The following POU2F1 variants were observed in gnomAD, a reference collection of about 807,000 sequenced individuals.
POU2F1 encodes the protein POU domain, class 2, transcription factor 1.
Under a neutral mutation model 84.9 loss-of-function variants are expected in POU2F1, and 16 were observed. The observed-to-expected ratio is 0.19, with a 90% CI of 0.13 to 0.29. POU2F1 has a LOEUF of 0.29. POU2F1 is among the 10% of genes least tolerant of loss of function. The pLI is 1.00. For synonymous variants in POU2F1, 368 were observed against 368.3 expected (o/e 1.00, Z 0.01); for missense variants, 738 against 942.6 (o/e 0.78, Z 2.84).
rs1197587175 is a variant in POU2F1 at position 167,416,915 on chromosome 1, C to T, written c.*1105C>T. 6.6e-6 allele frequency: 1 copy of T among 152,186 alleles called. No individual in the cohort carries two copies. Among genetic ancestry groups the T allele is most frequent in the African/African-American group, 2.4e-5 (1 of 41,448 alleles). The allele number at this position is 152,186 out of a possible 1,614,324, so 9.4% of individuals were successfully genotyped here. ...GGTGGTTCTCCTGATTTCTTATCTCCTGAAAAATGCTCCTGCTGTTGGTGT... is the reference window on the plus strand; with the variant it reads ...GGTGGTTCTCCTGATTTCTTATCTCTTGAAAAATGCTCCTGCTGTTGGTGT... On this transcript the variant is annotated 3_prime_UTR_variant, in exon 16 of 16. Transcript: ENST00000367866.
At chr1:167,343,686 T>TGAA (rs138795810) in intron 2 of POU2F1, among the ~76,000 whole-genome samples, 59,227 of 80,434 alleles carry the variant, frequency 0.74, 23,352 homozygotes, top group East Asian at 0.89. Context: ...TTTTTTTTTT[T>TGAA]GAAGGAAGGA....
intron 8 of POU2F1, among the ~76,000 whole-genome samples, chr1:167,389,219 G>C (rs7514782): frequency 0.088 from 13,345 of 152,200 alleles, 1,864 homozygotes; most frequent in African/African-American, 0.3. Flanking sequence ...GCTGTCTACT[G>C]TTTTGACAGT....
chr1:167,322,180 C>G (rs1656359187), intron 1 of POU2F1, among the ~76,000 whole-genome samples: 1 of 152,174 alleles, frequency 6.6e-6, no homozygotes, highest in African/African-American at 2.4e-5. Flanking sequence ...TAATTTGATT[C>G]ACCCAATAAG....
chr1:167,293,461 C>G (rs1055794003), intron 1 of POU2F1, among the ~76,000 whole-genome samples: 1 of 152,166 alleles, frequency 6.6e-6, no homozygotes, highest in African/African-American at 2.4e-5. Context: ...AAAAACACTG[C>G]TGAAAGAAGT....
chr1:167,415,931 A>T lies in POU2F1; in HGVS notation c.*121A>T. ...TCTCGCCGTGTTGTGAGGGCAAAGGAGAGAAGGGAGAAAAAAAAAAAAAAA... is the reference window on the plus strand; with the variant it reads ...TCTCGCCGTGTTGTGAGGGCAAAGGTGAGAAGGGAGAAAAAAAAAAAAAAA... On this transcript the variant is annotated 3_prime_UTR_variant, in exon 16 of 16. Coordinates refer to ENST00000367866, the MANE Select transcript of POU2F1 (RefSeq NM_002697.4). 9 of 618,932 alleles carry T rather than the reference A, an allele frequency of 1.5e-5. No homozygotes were observed. The highest frequency in any genetic ancestry group is 1.9e-5 in the African/African-American group (1 of 52,268). The allele number at this position is 618,932 out of a possible 1,614,324, so 38.3% of individuals were successfully genotyped here.
intron 8 of POU2F1, among the ~76,000 whole-genome samples, chr1:167,386,196 T>TG (rs1169269471): frequency 6.7e-6 from 1 of 149,992 alleles, no homozygotes; most frequent in African/African-American, 2.5e-5. Context: ...AGTTTCTTTT[T>TG]GGGGGGGTGA....
chr1:167,253,670 G>A (rs180889223), intron 1 of POU2F1, among the ~76,000 whole-genome samples: 6 of 152,112 alleles, frequency 3.9e-5, no homozygotes, highest in East Asian at 1.9e-4. Flanking sequence ...CAAGTGATCC[G>A]CCGGCCTTGA....
At chr1:167,285,713 A>G (rs1034719498) in intron 1 of POU2F1, among the ~76,000 whole-genome samples, 5 of 152,192 alleles carry the variant, frequency 3.3e-5, no homozygotes, top group East Asian at 1.9e-4. Context: ...TCTCTGCCGT[A>G]TCCTGGGCTA....
intron 1 of POU2F1, among the ~76,000 whole-genome samples, chr1:167,308,628 A>G (rs1298890163): frequency 6.6e-6 from 1 of 152,054 alleles, no homozygotes; most frequent in Non-Finnish European, 1.5e-5. Flanking sequence ...TAGGCTTAAG[A>G]GATCCTCCCA....
intron 1 of POU2F1, among the ~76,000 whole-genome samples, chr1:167,262,992 A>C (rs1315248057): frequency 6.6e-6 from 1 of 152,224 alleles, no homozygotes; most frequent in Non-Finnish European, 1.5e-5. Context: ...GTGGGGAGCC[A>C]CTGAAGTGTT....
rs1650859763 is a variant in POU2F1, at chr1:167,424,900, C to A, written c.*9090C>A. The stretch of plus-strand genomic sequence containing the variant: ...TTGGTGGGGTAGAGGCCAACCCCTT[C>A]TCCTCTGAGGCCTCAGGGTTCTGTT... On this transcript the variant is annotated 3_prime_UTR_variant, in exon 16 of 16. Coordinates refer to ENST00000367866, the MANE Select transcript of POU2F1 (RefSeq NM_002697.4). 6.6e-6 allele frequency: 1 copy of A among 152,172 alleles called. No individual in the cohort carries two copies. The highest frequency in any genetic ancestry group is 6.5e-5 in the Admixed American group (1 of 15,278). The allele number at this position is 152,172 out of a possible 1,614,324, so 9.4% of individuals were successfully genotyped here. A position where few individuals can be genotyped will look rare whatever the true frequency, so the allele number is the denominator to read the frequency against.
In POU2F1 at chr1:167,417,607, G is replaced by T. The variant is rs1375601800; in HGVS notation, c.*1797G>T. 6.6e-6 allele frequency: 1 copy of T among 152,168 alleles called. No homozygotes were observed. Among genetic ancestry groups the T allele is most frequent in the African/African-American group, 2.4e-5 (1 of 41,420 alleles). 9.4% of individuals were successfully genotyped at this position (152,168 alleles called of 1,614,324 possible). ...AGTTCCCCTTCTTATTGGAGTTAAA[G>T]GTTCCCATTTGGTGGCTGTGGGTGC... On this transcript the variant is annotated 3_prime_UTR_variant, in exon 16 of 16. Coordinates refer to ENST00000367866, the MANE Select transcript of POU2F1 (RefSeq NM_002697.4).
rs1385432818 is a variant in POU2F1 at position 167,421,359 on chromosome 1, A to G, written c.*5549A>G. The stretch of plus-strand genomic sequence containing the variant: ...ATCATCCATTTCTTAGTCCAAGGAG[A>G]TTAAATATAAATAGGACACCCCTGA... On this transcript the variant is annotated 3_prime_UTR_variant, in exon 16 of 16. Transcript: ENST00000367866. The G allele has an allele frequency of 6.6e-6, 1 of 152,232 alleles. No homozygotes were observed. Among genetic ancestry groups the G allele is most frequent in the Non-Finnish European group, 1.5e-5 (1 of 68,038 alleles). 9.4% of individuals were successfully genotyped at this position (152,232 alleles called of 1,614,324 possible).
intron 1 of POU2F1, chr1:167,329,173 A>T (rs1446610075): frequency 1.3e-6 from 2 of 1,487,120 alleles, no homozygotes; most frequent in Non-Finnish European, 1.8e-6. Context: ...GCTTAAGAAC[A>T]TACTGTAGAT....
intron 4 of POU2F1, 51 bp from the exon 5 acceptor site, chr1:167,371,866 T>C (rs1250699029): frequency 1.2e-6 from 2 of 1,608,024 alleles, no homozygotes; most frequent in Admixed American, 3.3e-5. Flanking sequence ...TAAGTACATT[T>C]CTTTTAATCA....
chr1:167,367,262 T>C (rs1232303511), intron 3 of POU2F1, among the ~76,000 whole-genome samples: 1 of 152,204 alleles, frequency 6.6e-6, no homozygotes, highest in Non-Finnish European at 1.5e-5. Flanking sequence ...TTACCATAAT[T>C]ATAATATACA....
At chr1:167,328,595 T>C (rs1223484322) in intron 1 of POU2F1, among the ~76,000 whole-genome samples, 1 of 152,178 alleles carries the variant, frequency 6.6e-6, no homozygotes, top group Non-Finnish European at 1.5e-5. Flanking sequence ...TTTGTACGTG[T>C]CATTTCAGTG....
chr1:167,271,042 C>T lies in POU2F1; in HGVS notation c.61+50084C>T, dbSNP rs191152500. Among the ~76,000 whole-genome samples the T allele has an allele frequency of 5.3e-4, 81 of 152,260 alleles. No individual in the cohort carries two copies. The East Asian group carries it at 0.014, about 27-fold the overall frequency. On this transcript the variant is annotated intron_variant, in intron 1 of 15. Transcript: ENST00000367866. ...TTTCCAAGCCAGTGTTAACACATTT[C>T]AAATATTGTGAAAAGTTGAATTTAT...
intron 2 of POU2F1, among the ~76,000 whole-genome samples, chr1:167,336,248 A>G (rs1657435149): frequency 6.6e-6 from 1 of 152,236 alleles, no homozygotes; most frequent in Admixed American, 6.5e-5. Context: ...TAACTGCATT[A>G]CCTACTATAC....
Sources: gnomAD v4.1 joint callset for allele counts (sites outside exome capture counted in the v4.1 genomes callset) on GRCh38, gnomAD v4.1.1 for gene constraint, MANE v1.5 for transcripts, NCBI Gene and HGNC (gene_info 2026-07-23, HGNC 2026-07-21) for gene names.